ENPP6: variants seen among roughly 807,000 people sequenced by gnomAD.
ENPP6 encodes glycerophosphocholine cholinephosphodiesterase ENPP6.
In ENPP6, 32 loss-of-function variants were observed where a neutral mutation model predicts 42.0. The ratio of observed to expected loss-of-function variants is 0.76; its 90% CI spans 0.58 to 1.02. The LOEUF (loss-of-function observed/expected upper bound fraction) is 1.02. ENPP6 is among the 50% of genes least tolerant of loss of function. The pLI, the probability that ENPP6 is intolerant of heterozygous loss-of-function variation, is 0.00. For synonymous variants in ENPP6, 213 were observed against 216.0 expected, an observed-to-expected ratio of 0.99 and a Z score of 0.12; for missense variants, 552 against 566.8, an observed-to-expected ratio of 0.97 and a Z score of 0.27.
In ENPP6 at chr4:184,134,037, T is replaced by A. The variant is rs1487086100; in HGVS notation, c.422-9765A>T. 3.3e-5 allele frequency among the ~76,000 whole-genome samples: 5 copies of A among 152,164 alleles called. No individual in the cohort carries two copies. In the East Asian group the frequency reaches 9.6e-4, roughly 29 times the overall value. On this transcript the variant is annotated intron_variant, in intron 2 of 7. Transcript: ENST00000296741. ...AAATACTTTGTTTCTAATTTTTCTA[T>A]CTATGTTCATGAAAAAGGTTGTCTT...
intron 1 of ENPP6, among the ~76,000 whole-genome samples, chr4:184,197,523 C>T (rs963083142): frequency 3.3e-5 from 5 of 152,334 alleles, no homozygotes; most frequent in Admixed American, 6.5e-5. Flanking sequence ...ATGCTGGCCC[C>T]GGCTTGGAAA....
chr4:184,208,670 C>A (rs1037177094), intron 1 of ENPP6, among the ~76,000 whole-genome samples: 1 of 149,336 alleles, frequency 6.7e-6, no homozygotes, highest in East Asian at 2.0e-4. Flanking sequence ...GGGAGGGGCG[C>A]CCGCCATTGC....
At chr4:184,108,707 T>G (rs1389521731) in intron 6 of ENPP6, among the ~76,000 whole-genome samples, 1 of 146,404 alleles carries the variant, frequency 6.8e-6, no homozygotes. Flanking sequence ...TTAAGATCTT[T>G]AGTCTAGGAA....
Position 184,089,096 on chromosome 4 carries a change from G to T in ENPP6, c.*2081C>A, listed in dbSNP as rs535372663. ...GAGAAAGAAACTTTGAACAATAGAC[G>T]TCTTTTTCAACAACTACTGCCAATG... On this transcript the variant is annotated 3_prime_UTR_variant, in exon 8 of 8. Transcript: ENST00000296741. 1.3e-5 allele frequency: 2 copies of T among 152,156 alleles called. No homozygotes were observed. Among genetic ancestry groups the T allele is most frequent in the African/African-American group, 4.8e-5 (2 of 41,432 alleles). 9.4% of individuals were successfully genotyped at this position (152,156 alleles called of 1,614,324 possible). A position where few individuals can be genotyped will look rare whatever the true frequency, so the allele number is the denominator to read the frequency against.
intron 1 of ENPP6, among the ~76,000 whole-genome samples, chr4:184,168,516 G>T (rs199792163): frequency 6.6e-6 from 1 of 152,074 alleles, no homozygotes; most frequent in Non-Finnish European, 1.5e-5. Context: ...GGGGGTGAAA[G>T]TTACAGGCAG....
chr4:184,202,679 CT>C (rs759301159), intron 1 of ENPP6, among the ~76,000 whole-genome samples: 1 of 152,034 alleles, frequency 6.6e-6, no homozygotes, highest in African/African-American at 2.4e-5. Flanking sequence ...TTAGAAGTTG[CT>C]TTTTTCAGCC....
At chr4:184,107,777 T>C (rs1372400527) in intron 6 of ENPP6, among the ~76,000 whole-genome samples, 1 of 151,866 alleles carries the variant, frequency 6.6e-6, no homozygotes, top group Non-Finnish European at 1.5e-5. Flanking sequence ...TAGCCGGGCG[T>C]GGTGGCGGGC....
At chr4:184,189,737 C>A (rs377467400) in intron 1 of ENPP6, among the ~76,000 whole-genome samples, 23 of 152,192 alleles carry the variant, frequency 1.5e-4, no homozygotes, top group African/African-American at 5.1e-4. Flanking sequence ...CCCAAGGAGA[C>A]TTTGTCTGAA....
intron 6 of ENPP6, among the ~76,000 whole-genome samples, chr4:184,106,953 A>G (rs181109808): frequency 3.9e-5 from 6 of 152,192 alleles, no homozygotes; most frequent in Non-Finnish European, 8.8e-5. Context: ...GACTACCCAC[A>G]GCCCTTCTCC....
chr4:184,153,075 A>C (rs992400010), intron 2 of ENPP6, among the ~76,000 whole-genome samples: 2 of 152,004 alleles, frequency 1.3e-5, no homozygotes, highest in Non-Finnish European at 2.9e-5. Flanking sequence ...CTGATGTTAG[A>C]GAGTTAAAAA....
At chr4:184,112,895 C>A in intron 5 of ENPP6, 86 bp from the exon 6 acceptor site, 2 of 1,347,938 alleles carry the variant, frequency 1.5e-6, no homozygotes, top group Non-Finnish European at 9.9e-7. Flanking sequence ...GGAGAACTTA[C>A]GTATAAGACC....
At chr4:184,170,638 T>C (rs968589407) in intron 1 of ENPP6, among the ~76,000 whole-genome samples, 7 of 152,186 alleles carry the variant, frequency 4.6e-5, no homozygotes, top group Non-Finnish European at 8.8e-5. Context: ...GTGGTGCCAT[T>C]AGCATGTTCC....
chr4:184,165,309 T>C (rs1737330448), intron 1 of ENPP6, among the ~76,000 whole-genome samples: 1 of 152,248 alleles, frequency 6.6e-6, no homozygotes, highest in South Asian at 2.1e-4. Flanking sequence ...TACCTCCATT[T>C]TGCTGATGCT....
chr4:184,210,267 C>T (rs1420379266), intron 1 of ENPP6, among the ~76,000 whole-genome samples: 1 of 148,300 alleles, frequency 6.7e-6, no homozygotes, highest in Non-Finnish European at 1.5e-5. Flanking sequence ...GGACTAAATG[C>T]TCCAGTTAAA....
intron 1 of ENPP6, among the ~76,000 whole-genome samples, chr4:184,195,891 C>A (rs1732786055): frequency 6.6e-6 from 1 of 152,246 alleles, no homozygotes; most frequent in Non-Finnish European, 1.5e-5. Flanking sequence ...CCCAAGACTT[C>A]TTTCTCTCTA....
At chr4:184,151,554 G>C (rs6552753) in intron 2 of ENPP6, among the ~76,000 whole-genome samples, 135,290 of 152,158 alleles carry the variant, frequency 0.89, 60,388 homozygotes, top group East Asian at 0.93. Context: ...TTCTTCAAAG[G>C]AGGAAAAACT....
At position 184,184,374 on chromosome 4, in the gene ENPP6, G is replaced by C. The variant is rs1732598981; in HGVS notation, c.242-30641C>G. 6.6e-6 allele frequency among the ~76,000 whole-genome samples: 1 copy of C among 152,126 alleles called. No individual in the cohort carries two copies. Among genetic ancestry groups the C allele is most frequent in the South Asian group, 2.1e-4 (1 of 4,824 alleles). On this transcript the variant is annotated intron_variant, in intron 1 of 7. Coordinates refer to ENST00000296741, the MANE Select transcript of ENPP6 (RefSeq NM_153343.4). This position sits in a 1 kb window ranked among gnomAD's most constrained non-coding sequence, Gnocchi z 4.7. ...GAATTAAGAATCAAATAGATTTTTG[G>C]ATATTAAGAATATAATAATGTTAAA...
chr4:184,205,793 T>C (rs766936757), intron 1 of ENPP6, among the ~76,000 whole-genome samples: 1 of 152,086 alleles, frequency 6.6e-6, no homozygotes, highest in Non-Finnish European at 1.5e-5. Flanking sequence ...AGGCTGAGGA[T>C]CGACCTTGAA....
At chr4:184,101,119 A>T (rs546937812) in intron 6 of ENPP6, among the ~76,000 whole-genome samples, 23 of 152,148 alleles carry the variant, frequency 1.5e-4, no homozygotes, top group African/African-American at 5.3e-4. Context: ...TGTGCATGCA[A>T]CCTACATGCA....
Sources: gnomAD v4.1 joint callset for allele counts (sites outside exome capture counted in the v4.1 genomes callset) on GRCh38, gnomAD v4.1.1 for gene constraint, Gnocchi (gnomAD v3.1) non-coding constraint, MANE v1.5 for transcripts, NCBI Gene and HGNC (gene_info 2026-07-23, HGNC 2026-07-21) for gene names.